The following SRBD1 variants were observed in gnomAD, a reference collection of about 807,000 sequenced individuals.
SRBD1 encodes S1 RNA binding domain 1.
Under a neutral mutation model 115.3 loss-of-function variants are expected in SRBD1, and 88 were observed. The ratio of observed to expected loss-of-function variants is 0.76; its 90% confidence interval spans 0.64 to 0.91. The LOEUF (loss-of-function observed/expected upper bound fraction) is 0.91, where lower values mean the gene tolerates loss of function less well. SRBD1 is among the 40% of genes least tolerant of loss of function. The probability of loss-of-function intolerance (pLI) is 0.00; values close to 1 mark genes in which losing one functional copy is unlikely to be tolerated. For synonymous variants in SRBD1, 509 were observed against 407.7 expected (o/e 1.25, Z -2.99); for missense variants, 1,385 against 1,177.4 (o/e 1.18, Z -2.58).
At position 45,493,433 on chromosome 2, in the gene SRBD1, T is replaced by C. The variant is rs1167649160; in HGVS notation, c.1875-5102A>G. On this transcript the variant is annotated intron_variant, in intron 14 of 20. Transcript: ENST00000263736. ...AGGGTAGAGCTTACTTCTAAGAAAA[T>C]ATCAAAGCAATTTTAAATTCTTTTA... Among the ~76,000 whole-genome samples the C allele has an allele frequency of 2.6e-5, 4 of 152,152 alleles. 1 individual carries two copies. Among genetic ancestry groups the C allele is most frequent in the Non-Finnish European group, 5.9e-5 (4 of 68,012 alleles).
intron 9 of SRBD1, among the ~76,000 whole-genome samples, chr2:45,565,460 G>T (rs374304879): frequency 1.3e-5 from 2 of 152,008 alleles, no homozygotes; most frequent in East Asian, 3.9e-4. Context: ...CCTACTTCAC[G>T]CTATACATAA....
At chr2:45,430,105 G>C (rs1424985302) in intron 16 of SRBD1, among the ~76,000 whole-genome samples, 1 of 152,036 alleles carries the variant, frequency 6.6e-6, no homozygotes, top group Non-Finnish European at 1.5e-5. Flanking sequence ...TCTTCAAGGA[G>C]AACTACAAAC....
At chr2:45,409,498 C>T (rs1667532050) in intron 19 of SRBD1, among the ~76,000 whole-genome samples, 1 of 139,810 alleles carries the variant, frequency 7.2e-6, no homozygotes, top group Admixed American at 7.6e-5. Context: ...ACTGAAGGTC[C>T]CGGCCATTGC....
At position 45,585,607 on chromosome 2, in the gene SRBD1, C is replaced by T. The variant is rs766000113; in HGVS notation, c.815+1G>A. 1 of 1,607,484 alleles carries T rather than the reference C, an allele frequency of 6.2e-7. No individual in the cohort carries two copies. The highest frequency in any genetic ancestry group is 8.5e-7 in the Non-Finnish European group (1 of 1,178,196). ...GGCTTATTCTTTTTTAGGTTTCTTA[C>T]CGTAGCTCTTCTAGGGTTTGCTGAA... On this transcript the variant is annotated splice_donor_variant, in intron 5 of 20. Transcript: ENST00000263736. LOFTEE classifies it high-confidence loss of function.
At chr2:45,427,313 A>T (rs543379485) in intron 16 of SRBD1, among the ~76,000 whole-genome samples, 1 of 152,320 alleles carries the variant, frequency 6.6e-6, no homozygotes, top group East Asian at 1.9e-4. Flanking sequence ...AAATGCCCCA[A>T]ATAAAAGACA....
chr2:45,414,580 A>G (rs62127101), intron 18 of SRBD1, among the ~76,000 whole-genome samples: 9 of 150,256 alleles, frequency 6.0e-5, no homozygotes, highest in Non-Finnish European at 8.9e-5. Context: ...TAGTGTGTAT[A>G]TAGTGTGTGT....
chr2:45,409,143 G>A (rs1179887441), intron 19 of SRBD1, among the ~76,000 whole-genome samples: 1 of 152,076 alleles, frequency 6.6e-6, no homozygotes, highest in Non-Finnish European at 1.5e-5. Flanking sequence ...GATTGCTTGA[G>A]CTCAGGAGGT....
chr2:45,492,605 A>AT (rs1294984140), intron 14 of SRBD1, among the ~76,000 whole-genome samples: 2 of 152,036 alleles, frequency 1.3e-5, no homozygotes, highest in Non-Finnish European at 2.9e-5. Context: ...CACCTGGCTA[A>AT]TTTTTTGTAT....
chr2:45,403,224 T>C (rs1287711125), intron 19 of SRBD1, among the ~76,000 whole-genome samples: 4 of 152,130 alleles, frequency 2.6e-5, no homozygotes, highest in Non-Finnish European at 5.9e-5. Flanking sequence ...CTGGAAGAAG[T>C]ACTTACACAA....
chr2:45,533,339 C>A (rs1360971898), intron 14 of SRBD1, among the ~76,000 whole-genome samples: 1 of 151,960 alleles, frequency 6.6e-6, no homozygotes, highest in Non-Finnish European at 1.5e-5. Flanking sequence ...TGCACTGGAC[C>A]CTATCTACAG....
intron 16 of SRBD1, among the ~76,000 whole-genome samples, chr2:45,435,483 G>C (rs1455958199): frequency 6.6e-6 from 1 of 151,240 alleles, no homozygotes; most frequent in African/African-American, 2.4e-5. Context: ...ACTCATATAA[G>C]TGACATCTTA....
chr2:45,430,586 G>C (rs935924624), intron 16 of SRBD1, among the ~76,000 whole-genome samples: 7 of 152,196 alleles, frequency 4.6e-5, no homozygotes, highest in African/African-American at 1.7e-4. Context: ...AAACTGGCTA[G>C]CCATATGCAG....
intron 5 of SRBD1, among the ~76,000 whole-genome samples, chr2:45,584,217 G>A (rs560466487): frequency 8.6e-4 from 131 of 152,336 alleles, no homozygotes; most frequent in African/African-American, 3.1e-3. Context: ...GAAACAGGAA[G>A]AACCAGCAAA....
intron 16 of SRBD1, among the ~76,000 whole-genome samples, chr2:45,455,710 G>A (rs1406043807): frequency 1.3e-5 from 2 of 151,622 alleles, no homozygotes; most frequent in African/African-American, 4.8e-5. Context: ...TAAATCCTGC[G>A]AGTACAGATT....
intron 4 of SRBD1, among the ~76,000 whole-genome samples, chr2:45,592,252 GA>G (rs1326752695): frequency 6.6e-6 from 1 of 152,080 alleles, no homozygotes; most frequent in Non-Finnish European, 1.5e-5. Flanking sequence ...TCAGCAGCAT[GA>G]AAACAGACTA....
intron 18 of SRBD1, among the ~76,000 whole-genome samples, chr2:45,414,390 T>C (rs1330492386): frequency 6.6e-6 from 1 of 151,650 alleles, no homozygotes; most frequent in East Asian, 1.9e-4. Flanking sequence ...TCATGAATGA[T>C]GTAAATATAT....
intron 19 of SRBD1, among the ~76,000 whole-genome samples, chr2:45,404,132 A>G (rs537345585): frequency 3.5e-4 from 53 of 152,292 alleles, no homozygotes; most frequent in African/African-American, 1.2e-3. Context: ...ATTTCCAGCT[A>G]AGGATATCTC....
chr2:45,416,872 G>A (rs1667848036), intron 18 of SRBD1, among the ~76,000 whole-genome samples: 1 of 152,042 alleles, frequency 6.6e-6, no homozygotes, highest in Admixed American at 6.5e-5. Flanking sequence ...TCCACCTCCT[G>A]GGTTCAGGCA....
intron 17 of SRBD1, 131 bp from the exon 18 acceptor site, chr2:45,418,672 AG>A: frequency 7.8e-4 from 447 of 574,224 alleles, no homozygotes; most frequent in Middle Eastern, 1.3e-3. Flanking sequence ...TCCAAAAGGG[AG>A]TTTAAAAAAA....
Sources: gnomAD v4.1 joint callset for allele counts (sites outside exome capture counted in the v4.1 genomes callset) on GRCh38, gnomAD v4.1.1 for gene constraint, MANE v1.5 for transcripts, NCBI Gene and HGNC (gene_info 2026-07-23, HGNC 2026-07-21) for gene names.